Variants in RGSL1 observed in about 807,000 individuals in gnomAD.
RGSL1 encodes regulator of G protein signaling protein-like.
In RGSL1, 97 loss-of-function variants were observed where a neutral mutation model predicts 124.7. The observed-to-expected ratio is 0.78, with a 90% CI of 0.66 to 0.92. The LOEUF is 0.92. Ranked by LOEUF, RGSL1 falls within the 40% of genes least tolerant of loss-of-function variation. The probability of loss-of-function intolerance (pLI) is 0.00; values close to 1 mark genes in which losing one functional copy is unlikely to be tolerated. For missense variants in RGSL1, 1,233 were observed against 1,288.4 expected, an observed-to-expected ratio of 0.96 and a Z score of 0.66; for synonymous variants, 424 against 438.1, an observed-to-expected ratio of 0.97 and a Z score of 0.40.
In RGSL1 at chr1:182,501,289, TC is replaced by T. The variant is rs1656345577; in HGVS notation, c.1825+8161del. On this transcript the variant is annotated intron_variant, in intron 9 of 21. Coordinates refer to ENST00000294854, the MANE Select transcript of RGSL1 (RefSeq NM_001137669.2). Reference sequence around the variant, plus strand: ...CTCTCTTTCTTTCTTTTTTTTCTTTTCTTTTCTTTTTTCTTTTCTTTTTTTT... The same window carrying T: ...CTCTCTTTCTTTCTTTTTTTTCTTTTTTTTCTTTTTTCTTTTCTTTTTTTT... 2.7e-3 allele frequency among the ~76,000 whole-genome samples: 385 copies of T among 145,260 alleles called. 3 individuals are homozygous for T. The highest frequency in any genetic ancestry group is 9.1e-3 in the African/African-American group (358 of 39,186).
intron 2 of RGSL1, among the ~76,000 whole-genome samples, chr1:182,455,794 G>C (rs567264777): frequency 1.6e-4 from 25 of 152,348 alleles, no homozygotes; most frequent in Non-Finnish European, 2.6e-4. Context: ...GCACAGGCAG[G>C]CTGCGCCAAG....
rs10572829 is a variant in RGSL1, at chr1:182,460,160, CTGTGTG to C, written c.301+47_301+52del. ...TAAGCATTGGTGTGCATGCGTGTGT[CTGTGTG>C]TGTGTGTGTGTGTGTGTGTAGAAAT... On this transcript the variant is annotated intron_variant, in intron 4 of 21. Transcript: ENST00000294854. 1,745 of 1,426,902 alleles carry C rather than the reference CTGTGTG, an allele frequency of 1.2e-3. 10 individuals are homozygous for C. The Middle Eastern group carries it at 0.015, about 13-fold the overall frequency. 88.4% of individuals were successfully genotyped at this position (1,426,902 alleles called of 1,614,324 possible). A position where few individuals can be genotyped will look rare whatever the true frequency, so the allele number is the denominator to read the frequency against.
chr1:182,448,563 G>A (rs927773971), upstream of RGSL1, among the ~76,000 whole-genome samples: 1 of 152,006 alleles, frequency 6.6e-6, no homozygotes, highest in African/African-American at 2.4e-5. Flanking sequence ...ATAATTATCT[G>A]GGGGCACTTG....
At chr1:182,483,732 G>C (rs548691245) in intron 6 of RGSL1, among the ~76,000 whole-genome samples, 7 of 152,034 alleles carry the variant, frequency 4.6e-5, no homozygotes, top group Non-Finnish European at 1.0e-4. Context: ...GTACAGATTA[G>C]TAGCACTTGG....
At chr1:182,475,753 T>A (rs1654241226) in intron 6 of RGSL1, among the ~76,000 whole-genome samples, 1 of 152,106 alleles carries the variant, frequency 6.6e-6, no homozygotes, top group Non-Finnish European at 1.5e-5. Context: ...GGGAACAGAT[T>A]GATGTGGCGC....
At chr1:182,476,970 T>G (rs984467338) in intron 6 of RGSL1, among the ~76,000 whole-genome samples, 2 of 152,198 alleles carry the variant, frequency 1.3e-5, no homozygotes, top group African/African-American at 4.8e-5. Flanking sequence ...AGCTCCCCAT[T>G]TTATTTTTGT....
At chr1:182,553,941 A>G (rs1319763480) in intron 19 of RGSL1, among the ~76,000 whole-genome samples, 1 of 151,984 alleles carries the variant, frequency 6.6e-6, no homozygotes, top group Non-Finnish European at 1.5e-5. Flanking sequence ...TGAACACACC[A>G]TTTCATACCT....
At chr1:182,508,363 G>T (rs1270388262) in intron 9 of RGSL1, among the ~76,000 whole-genome samples, 5 of 140,480 alleles carry the variant, frequency 3.6e-5, no homozygotes. Context: ...GCAATGGGGT[G>T]ATTTCGGCCC....
chr1:182,471,396 T>TG (rs1330724983), intron 4 of RGSL1: 1 of 457,308 alleles, frequency 2.2e-6, no homozygotes, highest in Admixed American at 2.4e-5. Context: ...GGTGGGTTCT[T>TG]GGGGTTGTTC....
At chr1:182,519,748 AT>A (rs1345085254) in intron 9 of RGSL1, among the ~76,000 whole-genome samples, 1 of 151,066 alleles carries the variant, frequency 6.6e-6, no homozygotes, top group Non-Finnish European at 1.5e-5. Context: ...TGTATTTTTC[AT>A]TTTTCCCCCT....
intron 6 of RGSL1, among the ~76,000 whole-genome samples, chr1:182,482,491 A>G (rs778994366): frequency 1.4e-4 from 22 of 152,250 alleles, no homozygotes; most frequent in Non-Finnish European, 3.2e-4. Flanking sequence ...TTTGCAGATG[A>G]CATGATCTTA....
In RGSL1 at chr1:182,472,556, C is replaced by A. The variant is rs1249974563; in HGVS notation, c.462C>A (p.Ile154=). The A allele has an allele frequency of 6.6e-7, 1 of 1,522,974 alleles. No individual in the cohort carries two copies. The highest frequency in any genetic ancestry group is 1.4e-5 in the African/African-American group (1 of 72,580). 94.3% of individuals were successfully genotyped at this position (1,522,974 alleles called of 1,614,324 possible). A position where few individuals can be genotyped will look rare whatever the true frequency, so the allele number is the denominator to read the frequency against. The change falls in exon 5 of 22, where the codon ATC becomes ATA. Residue 154 remains isoleucine, a splice_region_variant and synonymous_variant. Coordinates refer to ENST00000294854, the MANE Select transcript of RGSL1 (RefSeq NM_001137669.2). ...SRVVTLCNMN[I]KSLLNLSIWH... is the part of the protein sequence containing the mutation. The stretch of plus-strand genomic sequence containing the variant: ...TGGTAACCCTCTGTAACATGAACAT[C>A]AGTAAGAATTATAAAGCATCTTTTT...
Position 182,494,441 on chromosome 1 carries a change from A to G in RGSL1, c.1825+1312A>G, listed in dbSNP as rs372450808. Among the ~76,000 whole-genome samples, 7 of 152,366 alleles carry G rather than the reference A, an allele frequency of 4.6e-5. No individual in the cohort carries two copies. The East Asian group carries it at 9.6e-4, about 21-fold the overall frequency. On this transcript the variant is annotated intron_variant, in intron 9 of 21. Transcript: ENST00000294854. ...TGAGCACTTGAAATGTGACTGGTACATGTGGGTAAATAAAACACATTGTTA... is the reference window on the plus strand; with the variant it reads ...TGAGCACTTGAAATGTGACTGGTACGTGTGGGTAAATAAAACACATTGTTA...
chr1:182,478,591 C>G (rs1654469897), intron 6 of RGSL1, among the ~76,000 whole-genome samples: 1 of 152,072 alleles, frequency 6.6e-6, no homozygotes. Context: ...GCCTAAAGGA[C>G]TTATGGGACA....
rs536076286 is a variant in RGSL1 at position 182,472,695 on chromosome 1, C to T, written c.463+138C>T. The stretch of plus-strand genomic sequence containing the variant: ...TGTATCAGAGAGGCTAGTGGCAACC[C>T]CAACCCTTAACCAGGAAAGTATTGA... On this transcript the variant is annotated intron_variant, in intron 5 of 21. Coordinates refer to ENST00000294854, the MANE Select transcript of RGSL1 (RefSeq NM_001137669.2). 3 of 854,856 alleles carry T rather than the reference C, an allele frequency of 3.5e-6. No individual in the cohort carries two copies. In the Admixed American group the frequency reaches 9.3e-5, roughly 27 times the overall value. The allele number at this position is 854,856 out of a possible 1,614,324, so 53.0% of individuals were successfully genotyped here. A position where few individuals can be genotyped will look rare whatever the true frequency, so the allele number is the denominator to read the frequency against.
At chr1:182,450,489 T>C (rs12092257) in intron 1 of RGSL1, 144,138 of 402,368 alleles carry the variant, frequency 0.36, 27,359 homozygotes, top group East Asian at 0.51. Flanking sequence ...ATGCAGTGAT[T>C]TCATTTGTTG....
Position 182,482,983 on chromosome 1 carries a change from G to A in RGSL1, c.1432-5302G>A, listed in dbSNP as rs1014627344. Among the ~76,000 whole-genome samples the A allele has an allele frequency of 2.0e-5, 3 of 152,132 alleles. No individual in the cohort carries two copies. In the East Asian group the frequency reaches 5.8e-4, roughly 29 times the overall value. On this transcript the variant is annotated intron_variant, in intron 6 of 21. Transcript: ENST00000294854. ...ATTTGCAACAACATAGATGAGACCT[G>A]GAGGACATCATGCTAATTAAAATAA...
intron 9 of RGSL1, among the ~76,000 whole-genome samples, chr1:182,505,016 C>A (rs987392930): frequency 6.6e-6 from 1 of 152,148 alleles, no homozygotes; most frequent in Admixed American, 6.5e-5. Flanking sequence ...TACATACAAG[C>A]TTTGAAAACC....
At chr1:182,544,901 T>C (rs1660115555) in intron 15 of RGSL1, among the ~76,000 whole-genome samples, 1 of 152,126 alleles carries the variant, frequency 6.6e-6, no homozygotes. Flanking sequence ...GAAGTGGGTT[T>C]CTTGTAGGTA....
Sources: allele counts gnomAD v4.1 joint callset (sites outside exome capture counted in the v4.1 genomes callset), GRCh38; gene constraint gnomAD v4.1.1; transcripts MANE v1.5; gene names NCBI Gene and HGNC (gene_info 2026-07-23, HGNC 2026-07-21).